The following MBD6 variants were observed in gnomAD, a reference collection of about 807,000 sequenced individuals.
MBD6 encodes the protein methyl-CpG-binding domain protein 6.
A neutral mutation model predicts 66.8 loss-of-function variants in MBD6; 22 were observed. The ratio of observed to expected loss-of-function variants is 0.33; its 90% CI spans 0.24 to 0.47. MBD6 has a LOEUF of 0.47. MBD6 is among the 20% of genes least tolerant of loss of function. The pLI is 1.00. For missense variants in MBD6, 1,322 were observed against 1,286.9 expected (o/e 1.03, Z -0.42); for synonymous variants, 540 against 534.6 (o/e 1.01, Z -0.14).
chr12:57,528,137 T>C lies in MBD6; in HGVS notation c.2407-10T>C, dbSNP rs1879179291. On this transcript the variant is annotated splice_polypyrimidine_tract_variant and intron_variant, in intron 9 of 12. Transcript: ENST00000355673. ...TGAGATTGACTGAGAACTTATTTTTTTGCCAGCAGATCCCTCCAGAGCAGC... is the reference window on the plus strand; with the variant it reads ...TGAGATTGACTGAGAACTTATTTTTCTGCCAGCAGATCCCTCCAGAGCAGC... 1 of 1,575,756 alleles carries C rather than the reference T, an allele frequency of 6.3e-7. No homozygotes were observed. The highest frequency in any genetic ancestry group is 1.7e-4 in the Middle Eastern group (1 of 5,802).
chr12:57,528,305 G>A lies in MBD6; in HGVS notation c.2565G>A (p.Gly855=). 1 of 1,606,608 alleles carries A rather than the reference G, an allele frequency of 6.2e-7. No homozygotes were observed. The highest frequency in any genetic ancestry group is 8.5e-7 in the Non-Finnish European group (1 of 1,176,110). ...VPELLTGRGS[G]KRGRRGGGGL... is the part of the protein sequence containing the mutation. ...AGCTGCTCACTGGGAGGGGGTCAGGGAAACGGGGCCGGAGGGGAGGAGGGG... is the reference window on the plus strand; with the variant it reads ...AGCTGCTCACTGGGAGGGGGTCAGGAAAACGGGGCCGGAGGGGAGGAGGGG... The change falls in exon 10 of 13, where the codon GGG becomes GGA. Residue 855 remains glycine (G), a synonymous_variant. Coordinates refer to ENST00000355673, the MANE Select transcript of MBD6 (RefSeq NM_052897.4).
Position 57,527,580 on chromosome 12 carries a change from C to T in MBD6, c.2156C>T (p.Ala719Val). The change falls in exon 8 of 13, where the codon GCC (alanine) becomes GTC (valine). Residue 719 changes from alanine to valine, a missense_variant. Ala to Val is a moderately conservative substitution (Grantham distance 64, BLOSUM62 0). Coordinates refer to ENST00000355673, the MANE Select transcript of MBD6 (RefSeq NM_052897.4). ...ACCACGGCAACTACTGACCCGGGGG[C>T]CTCCTCTCTGGGCAAGGCCCCCTCC... ...SVTTATTDPGASSLGKAPSNS... is the reference protein window; with the variant it reads ...SVTTATTDPGVSSLGKAPSNS... 1 of 1,614,056 alleles carries T rather than the reference C, an allele frequency of 6.2e-7. No individual in the cohort carries two copies. Among genetic ancestry groups the T allele is most frequent in the Non-Finnish European group, 8.5e-7 (1 of 1,179,984 alleles).
chr12:57,524,643 T>A (rs759127444), intron 3 of MBD6, 77 bp from the exon 4 acceptor site: 9 of 1,349,670 alleles, frequency 6.7e-6, no homozygotes, highest in Non-Finnish European at 9.6e-6. Context: ...GATCTGTAAC[T>A]TAAGCACTGT....
Position 57,524,743 on chromosome 12 carries a change from C to T in MBD6, c.137C>T (p.Ser46Phe). The change falls in exon 4 of 13, where the codon TCC becomes TTC. Residue 46 changes from serine (S) to phenylalanine (F), a missense_variant. Coordinates refer to ENST00000355673, the MANE Select transcript of MBD6 (RefSeq NM_052897.4). ...YISPSGTELS[S>F]LEQTRSYLLS... is the part of the protein sequence containing the mutation. Reference sequence around the variant, plus strand: ...AGTCCAAGTGGCACAGAGCTGTCTTCCTTGGAGCAAACCCGGAGCTACCTC... The same window carrying T: ...AGTCCAAGTGGCACAGAGCTGTCTTTCTTGGAGCAAACCCGGAGCTACCTC... 6.2e-7 allele frequency: 1 copy of T among 1,614,228 alleles called. No individual in the cohort carries two copies. The highest frequency in any genetic ancestry group is 8.5e-7 in the Non-Finnish European group (1 of 1,180,044).
intron 3 of MBD6, 99 bp from the exon 4 acceptor site, chr12:57,524,621 T>C (rs1180264479): frequency 8.3e-7 from 1 of 1,199,768 alleles, no homozygotes; most frequent in African/African-American, 1.5e-5. Context: ...TTATCCTCTG[T>C]TCTTCTAGGA....
rs774549092 is a variant in MBD6, at chr12:57,526,784, C to T, written c.1639C>T (p.Leu547=). ...TGGGGCCTTGCCTCTCCCTCTGAGT[C>T]TGGGGCAGCCTCCACCTTCTCCATT... The part of the protein sequence containing the change: ...MLGALPLPLS[L]GQPPPSPLLN... The change falls in exon 7 of 13, where the codon CTG becomes TTG. Residue 547 remains leucine (L), a synonymous_variant. Coordinates refer to ENST00000355673, the MANE Select transcript of MBD6 (RefSeq NM_052897.4). 1.2e-6 allele frequency: 2 copies of T among 1,604,646 alleles called. No homozygotes were observed. Among genetic ancestry groups the T allele is most frequent in the Non-Finnish European group, 1.7e-6 (2 of 1,174,088 alleles).
intron 3 of MBD6, 26 bp downstream of exon 3, chr12:57,524,442 C>T (rs1223427686): frequency 2.6e-6 from 4 of 1,537,648 alleles, no homozygotes; most frequent in African/African-American, 2.8e-5. Context: ...GGTCCCCAAG[C>T]TCTGCCACTC....
chr12:57,531,133 T>C (rs1879660725), downstream of MBD6, among the ~76,000 whole-genome samples: 1 of 152,236 alleles, frequency 6.6e-6, no homozygotes, highest in Non-Finnish European at 1.5e-5. Context: ...AAGTCCTTTA[T>C]ATATTTTTTC....
chr12:57,530,533 G>C (rs373309055), downstream of MBD6: 1 of 617,792 alleles, frequency 1.6e-6, no homozygotes, highest in African/African-American at 1.8e-5. Context: ...ATTCATCAGG[G>C]GAGGGGTATA....
Position 57,526,228 on chromosome 12 carries a change from C to A in MBD6, c.1260C>A (p.Thr420=). The A allele has an allele frequency of 6.2e-7, 1 of 1,614,096 alleles. No homozygotes were observed. Residue 420 remains threonine (T), a synonymous_variant, in exon 6 of 13, where the codon ACC becomes ACA. Coordinates refer to ENST00000355673, the MANE Select transcript of MBD6 (RefSeq NM_052897.4). ...PSVLSLLGLP[T]PGPSHSDGSF... is the part of the protein sequence containing the mutation. ...TGCTGTCCCTGCTGGGACTCCCCAC[C>A]CCTGGCCCTTCCCACTCTGATGGAA...
chr12:57,528,935 C>T lies in MBD6; in HGVS notation c.2874-11C>T, dbSNP rs1161831927. On this transcript the variant is annotated splice_polypyrimidine_tract_variant and intron_variant, in intron 11 of 12. Coordinates refer to ENST00000355673, the MANE Select transcript of MBD6 (RefSeq NM_052897.4). Reference sequence around the variant, plus strand: ...GGAGCTGTTCCTGATCATCTGTGCCCCTTATTGCAGCCCTACCCGGAACAG... The same window carrying T: ...GGAGCTGTTCCTGATCATCTGTGCCTCTTATTGCAGCCCTACCCGGAACAG... 6.2e-7 allele frequency: 1 copy of T among 1,614,122 alleles called. No individual in the cohort carries two copies. Among genetic ancestry groups the T allele is most frequent in the South Asian group, 1.1e-5 (1 of 91,074 alleles).
In MBD6 at chr12:57,529,816, G is replaced by C. The variant is rs1053199622; in HGVS notation, c.*582G>C. The C allele has an allele frequency of 6.5e-6, 1 of 154,034 alleles. No individual in the cohort carries two copies. The highest frequency in any genetic ancestry group is 2.4e-5 in the African/African-American group (1 of 41,416). The allele number at this position is 154,034 out of a possible 1,614,324, so 9.5% of individuals were successfully genotyped here. A position where few individuals can be genotyped will look rare whatever the true frequency, so the allele number is the denominator to read the frequency against. The stretch of plus-strand genomic sequence containing the variant: ...ATAGCCTCATTTCAAGGTGTAGCCA[G>C]GTTCCCCCGACTTTCCTCTGGGATA... On this transcript the variant is annotated 3_prime_UTR_variant, in exon 13 of 13. Coordinates refer to ENST00000355673, the MANE Select transcript of MBD6 (RefSeq NM_052897.4).
At chr12:57,523,607 G>A (rs1231151267) in intron 1 of MBD6, among the ~76,000 whole-genome samples, 3 of 152,272 alleles carry the variant, frequency 2.0e-5, no homozygotes, top group African/African-American at 4.8e-5. Context: ...CCACCCCAGC[G>A]GGCAGTTGGG....
chr12:57,525,121 T>A lies in MBD6; in HGVS notation c.379+6T>A. Reference sequence around the variant, plus strand: ...CTGCTCACACTCTTCTCCTGGTGAGTCTTCTGCCACTTTACAGAAGACCGA... The same window carrying A: ...CTGCTCACACTCTTCTCCTGGTGAGACTTCTGCCACTTTACAGAAGACCGA... On this transcript the variant is annotated splice_donor_region_variant and intron_variant, in intron 5 of 12. Coordinates refer to ENST00000355673, the MANE Select transcript of MBD6 (RefSeq NM_052897.4). The A allele has an allele frequency of 1.2e-6, 2 of 1,603,478 alleles. No individual in the cohort carries two copies. Among genetic ancestry groups the A allele is most frequent in the Non-Finnish European group, 1.7e-6 (2 of 1,177,066 alleles).
chr12:57,523,046 C>CT (rs1878518813), intron 1 of MBD6, 35 bp downstream of exon 1: 1 of 142,232 alleles, frequency 7.0e-6, no homozygotes, highest in Non-Finnish European at 1.6e-5. Flanking sequence ...CACCCTGCCC[C>CT]TCCCCCTCCC....
At chr12:57,530,574 C>T (rs1462220119), downstream of MBD6, 1 of 890,610 alleles carries the variant, frequency 1.1e-6, no homozygotes, top group African/African-American at 1.7e-5. Context: ...CCCTTGCCCC[C>T]AGTGTCAAAT....
rs370000943 is a variant in MBD6, at chr12:57,527,081, G to A, written c.1936G>A (p.Gly646Arg). The A allele has an allele frequency of 1.3e-5, 21 of 1,600,602 alleles. No homozygotes were observed. The highest frequency in any genetic ancestry group is 4.0e-5 in the African/African-American group (3 of 74,614). ...GDGEGSAEGA[G>R]GPSGEPFSGL... Reference sequence around the variant, plus strand: ...TGGGGAGGGATCTGCAGAGGGAGCCGGGGGTCCAAGTGGGGAGCCATTTTC... The same window carrying A: ...TGGGGAGGGATCTGCAGAGGGAGCCAGGGGTCCAAGTGGGGAGCCATTTTC... The change falls in exon 7 of 13, where the codon GGG becomes AGG. Residue 646 changes from glycine to arginine, a missense_variant. Physicochemically the swap from Gly to Arg is moderately radical, Grantham distance 125. Coordinates refer to ENST00000355673, the MANE Select transcript of MBD6 (RefSeq NM_052897.4).
Position 57,526,033 on chromosome 12 carries a change from C to T in MBD6, c.1065C>T (p.His355=), listed in dbSNP as rs1467961670. The change falls in exon 6 of 13, where the codon CAC becomes CAT. Residue 355 remains histidine, a synonymous_variant. Transcript: ENST00000355673. ...RPRAQAPSAS[H]SSSLRPSQRR... is the part of the protein sequence containing the mutation. ...GTGCCCAGGCACCCTCAGCTTCCCA[C>T]TCCTCATCACTTCGTCCCTCTCAGC... 1.9e-6 allele frequency: 3 copies of T among 1,614,054 alleles called. No individual in the cohort carries two copies. The South Asian group carries it at 3.3e-5, about 18-fold the overall frequency.
rs751236064 is a variant in MBD6 at position 57,526,822 on chromosome 12, T to C, written c.1677T>C (p.Ser559=). Residue 559 remains serine, a synonymous_variant, in exon 7 of 13, where the codon AGT becomes AGC. Transcript: ENST00000355673. ...CACCTTCTCCATTGCTCAACCACAG[T>C]TTATTTGGTGTGCTGACTGGGGGAG... is the stretch of plus-strand genomic sequence containing the variant. ...QPPPSPLLNH[S]LFGVLTGGGG... 1.4e-5 allele frequency: 22 copies of C among 1,613,178 alleles called. No individual in the cohort carries two copies. Among genetic ancestry groups the C allele is most frequent in the Non-Finnish European group, 1.8e-5 (21 of 1,179,500 alleles).
Sources: allele counts gnomAD v4.1 joint callset (sites outside exome capture counted in the v4.1 genomes callset), GRCh38; gene constraint gnomAD v4.1.1; transcripts MANE v1.5; gene names NCBI Gene and HGNC (gene_info 2026-07-23, HGNC 2026-07-21).